SUPT16H: variants seen among roughly 807,000 people sequenced by gnomAD.
SUPT16H encodes the protein FACT complex subunit SPT16.
Under a neutral mutation model 136.2 loss-of-function variants are expected in SUPT16H, and 24 were observed. That is an observed-to-expected ratio of 0.18 (90% confidence interval 0.13 to 0.25). The LOEUF (loss-of-function observed/expected upper bound fraction) is 0.25. SUPT16H is among the 10% of genes least tolerant of loss of function. The probability of loss-of-function intolerance (pLI) is 1.00; values close to 1 mark genes in which losing one functional copy is unlikely to be tolerated. For synonymous variants in SUPT16H, 415 were observed against 428.2 expected (o/e 0.97, Z 0.38); for missense variants, 623 against 1,270.2 (o/e 0.49, Z 7.74).
intron 18 of SUPT16H, among the ~76,000 whole-genome samples, chr14:21,359,864 G>C (rs972602318): frequency 1.3e-5 from 2 of 152,166 alleles, no homozygotes; most frequent in African/African-American, 4.8e-5. Flanking sequence ...CTTCATTTTA[G>C]AAAGAGAAAT....
chr14:21,356,686 G>A (rs1886441046), intron 22 of SUPT16H, among the ~76,000 whole-genome samples: 1 of 152,226 alleles, frequency 6.6e-6, no homozygotes, highest in Non-Finnish European at 1.5e-5. Context: ...GCTGCAGTGA[G>A]CTGTGACTGC....
intron 1 of SUPT16H, among the ~76,000 whole-genome samples, chr14:21,374,215 TCA>T (rs1197578296): frequency 6.6e-6 from 1 of 152,194 alleles, no homozygotes; most frequent in East Asian, 1.9e-4. Flanking sequence ...CAACATGAAA[TCA>T]CAGATGCCTG....
Position 21,353,378 on chromosome 14 carries a change from GTTCTT to G in SUPT16H, c.2998+105_2998+109del, listed in dbSNP as rs1886364602. On this transcript the variant is annotated intron_variant, in intron 25 of 25. Transcript: ENST00000216297. Reference sequence around the variant, plus strand: ...TGTGGCTCCAAAGCACTTTTATAGTGTTCTTTTGTTACTTTCATTACGCCATCAAT... The same window carrying G: ...TGTGGCTCCAAAGCACTTTTATAGTGTTGTTACTTTCATTACGCCATCAAT... 5 of 1,097,632 alleles carry G rather than the reference GTTCTT, an allele frequency of 4.6e-6. No individual in the cohort carries two copies. In the Admixed American group the frequency reaches 6.7e-5, roughly 15 times the overall value. 68.0% of individuals were successfully genotyped at this position (1,097,632 alleles called of 1,614,324 possible). A position where few individuals can be genotyped will look rare whatever the true frequency, so the allele number is the denominator to read the frequency against.
At chr14:21,364,775 G>T in intron 10 of SUPT16H, 52 bp downstream of exon 10, 2 of 1,511,676 alleles carry the variant, frequency 1.3e-6, no homozygotes, top group South Asian at 1.1e-5. Flanking sequence ...GTCCACAAAC[G>T]TGCCTCAGAA....
At position 21,383,955 on chromosome 14, in the gene SUPT16H, T is replaced by C. The variant is rs751535525; in HGVS notation, c.-28A>G. The C allele has an allele frequency of 6.2e-7, 1 of 1,612,198 alleles. No homozygotes were observed. The highest frequency in any genetic ancestry group is 1.1e-5 in the South Asian group (1 of 90,998). On this transcript the variant is annotated 5_prime_UTR_variant, in exon 1 of 26. Transcript: ENST00000216297. The stretch of plus-strand genomic sequence containing the variant: ...CCCCGGACGCCGCTTCTCCTCGGGT[T>C]CCGAGAATCACGCGAGGTCCCGGCT...
intron 22 of SUPT16H, among the ~76,000 whole-genome samples, chr14:21,356,691 G>A (rs1886441186): frequency 6.6e-6 from 1 of 152,178 alleles, no homozygotes; most frequent in Non-Finnish European, 1.5e-5. Flanking sequence ...AGTGAGCTGT[G>A]ACTGCACCAC....
intron 10 of SUPT16H, among the ~76,000 whole-genome samples, chr14:21,364,332 A>G (rs1199830869): frequency 6.6e-6 from 1 of 152,088 alleles, no homozygotes; most frequent in East Asian, 1.9e-4. Flanking sequence ...AACGCAGTTT[A>G]GTCATTGCCT....
In SUPT16H at chr14:21,373,445, T is replaced by C; in HGVS notation, c.67-15A>G. 7.6e-6 allele frequency: 12 copies of C among 1,583,076 alleles called. No individual in the cohort carries two copies. Among genetic ancestry groups the C allele is most frequent in the Non-Finnish European group, 1.0e-5 (12 of 1,151,756 alleles). ...TCTTCTCCTTTCTGAAAAGAGTGGG[T>C]AATCATCACTTAATTTTTCACACTA... On this transcript the variant is annotated splice_polypyrimidine_tract_variant and intron_variant, in intron 1 of 25. Transcript: ENST00000216297.
chr14:21,352,962 T>A, intron 25 of SUPT16H, 144 bp from the exon 26 acceptor site: 1 of 1,130,386 alleles, frequency 8.8e-7, no homozygotes, highest in Non-Finnish European at 1.3e-6. Flanking sequence ...AACCTTGGTT[T>A]ATTTACAAAA....
At chr14:21,370,302 A>G in intron 4 of SUPT16H, 34 bp downstream of exon 4, 1 of 1,602,048 alleles carries the variant, frequency 6.2e-7, no homozygotes, top group Non-Finnish European at 8.5e-7. Context: ...TGTCTTCTCA[A>G]CTCTTGATTT....
At chr14:21,357,454 CATAAAAG>C in intron 21 of SUPT16H, 88 bp from the exon 22 acceptor site, 1 of 1,311,160 alleles carries the variant, frequency 7.6e-7, no homozygotes, top group Non-Finnish European at 1.0e-6. Flanking sequence ...TAAATCACTA[CATAAAAG>C]ATAACTTAAG....
At chr14:21,372,257 T>A (rs1886802724) in intron 2 of SUPT16H, 1 of 517,586 alleles carries the variant, frequency 1.9e-6, no homozygotes, top group South Asian at 2.8e-5. Context: ...CAATGTATTA[T>A]TTTCTCTACG....
At chr14:21,377,095 AAG>A (rs1368134741) in intron 1 of SUPT16H, among the ~76,000 whole-genome samples, 1 of 151,372 alleles carries the variant, frequency 6.6e-6, no homozygotes, top group Admixed American at 6.6e-5. Context: ...AAAAAAAAAA[AAG>A]ATCAACAATG....
rs1886372310 is a variant in SUPT16H, at chr14:21,353,757, CAT to C, written c.2864_2865del (p.Tyr955Ter). 1 of 1,614,008 alleles carries C rather than the reference CAT, an allele frequency of 6.2e-7. No homozygotes were observed. The highest frequency in any genetic ancestry group is 1.3e-5 in the African/African-American group (1 of 74,936). On this transcript the variant is annotated frameshift_variant, in exon 24 of 26. Coordinates refer to ENST00000216297, the MANE Select transcript of SUPT16H (RefSeq NM_007192.4). LOFTEE classifies it high-confidence loss of function. ...DETFNPSEDD[Y>X]EEEEEDSDED... ...TCATCACTGTCCTCCTCTTCCTCTT[CAT>C]AGTCATCTTCTGAAGGATTAAAAGT...
chr14:21,383,769 C>A (rs745826173), intron 1 of SUPT16H, 93 bp downstream of exon 1: 6 of 1,460,274 alleles, frequency 4.1e-6, no homozygotes, highest in Non-Finnish European at 5.8e-6. Context: ...CCCGGGAATT[C>A]CTGACCGAAA....
rs745535156 is a variant in SUPT16H at position 21,358,365 on chromosome 14, C to T, written c.2364G>A (p.Glu788=). 6.2e-7 allele frequency: 1 copy of T among 1,613,910 alleles called. No individual in the cohort carries two copies. Among genetic ancestry groups the T allele is most frequent in the East Asian group, 2.2e-5 (1 of 44,872 alleles). Reference sequence around the variant, plus strand: ...ATTCCAGTTCCTCCTTAGTTAGAGCCTCTACTTTCTCAATGAAATTTTTAA... The same window carrying T: ...ATTCCAGTTCCTCCTTAGTTAGAGCTTCTACTTTCTCAATGAAATTTTTAA... ...TAFKNFIEKV[E]ALTKEELEFE... The change falls in exon 20 of 26, where the codon GAG becomes GAA. Residue 788 remains glutamate (E), a synonymous_variant. Transcript: ENST00000216297.
Position 21,352,736 on chromosome 14 carries a change from C to T in SUPT16H, c.3081G>A (p.Ser1027=), listed in dbSNP as rs367753935. ...TGGAACCACGGTTAGAGCCACGGCC[C>T]GAACTGTGCACAGATGCCTTCCTCT... ...SRKRKASVHS[S]GRGSNRGSRH... The change falls in exon 26 of 26, where the codon TCG becomes TCA. Residue 1027 remains serine, a synonymous_variant. Transcript: ENST00000216297. 1.4e-5 allele frequency: 23 copies of T among 1,613,854 alleles called. 1 individual carries two copies. Among genetic ancestry groups the T allele is most frequent in the South Asian group, 5.5e-5 (5 of 91,064 alleles).
chr14:21,383,587 G>A (rs752742666), intron 1 of SUPT16H: 1 of 698,976 alleles, frequency 1.4e-6, no homozygotes, highest in Non-Finnish European at 2.6e-6. Context: ...GCCTCTTCTA[G>A]GGCGGGAAGA....
intron 3 of SUPT16H, 22 bp from the exon 4 acceptor site, chr14:21,370,510 A>C (rs1032651694): frequency 3.1e-6 from 5 of 1,612,648 alleles, no homozygotes; most frequent in Admixed American, 3.3e-5. Context: ...ATAGGGAAGA[A>C]AAGACACATA....
Sources: allele counts gnomAD v4.1 joint callset (sites outside exome capture counted in the v4.1 genomes callset), GRCh38; gene constraint gnomAD v4.1.1; transcripts MANE v1.5; gene names NCBI Gene and HGNC (gene_info 2026-07-23, HGNC 2026-07-21).